SSBP2: variants seen among roughly 807,000 people sequenced by gnomAD.
SSBP2 encodes single stranded DNA binding protein 2.
In SSBP2, 17 loss-of-function variants were observed where a neutral mutation model predicts 61.8. That is an observed-to-expected ratio of 0.28 (90% CI 0.19 to 0.41). SSBP2 has a LOEUF of 0.41. Ranked by LOEUF, SSBP2 falls within the 10% of genes least tolerant of loss-of-function variation. The pLI is 1.00. For synonymous variants in SSBP2, 139 were observed against 141.3 expected (o/e 0.98, Z 0.12); for missense variants, 310 against 458.7 (o/e 0.68, Z 2.96).
At chr5:81,733,569 T>A (rs527274058) in intron 1 of SSBP2, among the ~76,000 whole-genome samples, 1 of 152,232 alleles carries the variant, frequency 6.6e-6, no homozygotes, top group African/African-American at 2.4e-5. Context: ...ATTGGATTAC[T>A]TAAAATCAAA....
intron 1 of SSBP2, among the ~76,000 whole-genome samples, chr5:81,743,827 C>T (rs1262118657): frequency 1.3e-5 from 2 of 152,102 alleles, no homozygotes; most frequent in Non-Finnish European, 2.9e-5. Context: ...GCTGGGAACC[C>T]GAGGCAGCCA....
intron 1 of SSBP2, among the ~76,000 whole-genome samples, chr5:81,716,147 G>A (rs1312791899): frequency 2.1e-4 from 31 of 150,566 alleles, no homozygotes; most frequent in East Asian, 3.9e-4. Context: ...AATAGATAGC[G>A]TCAAAAAAAA....
chr5:81,727,367 T>C (rs543036968), intron 1 of SSBP2, among the ~76,000 whole-genome samples: 49 of 152,242 alleles, frequency 3.2e-4, no homozygotes, highest in Middle Eastern at 3.4e-3. Flanking sequence ...CTGACCAACA[T>C]GGAGAAACCC....
chr5:81,647,977 C>T (rs938370056), intron 2 of SSBP2, among the ~76,000 whole-genome samples: 3 of 152,034 alleles, frequency 2.0e-5, no homozygotes, highest in African/African-American at 7.2e-5. Context: ...ATCACTGTAT[C>T]TAATATCTTA....
At chr5:81,664,903 T>A (rs1197378389) in intron 1 of SSBP2, among the ~76,000 whole-genome samples, 1 of 152,178 alleles carries the variant, frequency 6.6e-6, no homozygotes, top group Non-Finnish European at 1.5e-5. Flanking sequence ...GGTTCTCTGT[T>A]CTGTTCCACT....
chr5:81,566,848 C>G (rs908257023), intron 4 of SSBP2, among the ~76,000 whole-genome samples: 4 of 152,164 alleles, frequency 2.6e-5, no homozygotes, highest in African/African-American at 9.7e-5. Flanking sequence ...AAAGGTGACT[C>G]TTTTTATGTT....
chr5:81,537,333 A>G (rs1770885089), intron 4 of SSBP2, among the ~76,000 whole-genome samples: 1 of 152,164 alleles, frequency 6.6e-6, no homozygotes, highest in South Asian at 2.1e-4. Flanking sequence ...ATGAGACCTG[A>G]GACAATTCTC....
intron 4 of SSBP2, among the ~76,000 whole-genome samples, chr5:81,599,132 T>C (rs1316657757): frequency 2.0e-5 from 3 of 152,170 alleles, no homozygotes; most frequent in African/African-American, 7.2e-5. Context: ...GACTACCTGA[T>C]AAGTGAAACT....
chr5:81,689,090 G>A (rs1281572760), intron 1 of SSBP2, among the ~76,000 whole-genome samples: 1 of 151,904 alleles, frequency 6.6e-6, no homozygotes, highest in Non-Finnish European at 1.5e-5. Context: ...ACATACTGAA[G>A]AATGTATCAG....
chr5:81,568,441 G>T (rs1581045622), intron 4 of SSBP2, among the ~76,000 whole-genome samples: 2 of 152,272 alleles, frequency 1.3e-5, no homozygotes, highest in East Asian at 3.9e-4. Context: ...ACATGTAATT[G>T]TAAGTCCAAT....
intron 1 of SSBP2, among the ~76,000 whole-genome samples, chr5:81,741,576 G>C (rs928509145): frequency 5.3e-5 from 8 of 152,116 alleles, no homozygotes; most frequent in Non-Finnish European, 1.0e-4. Context: ...TTGTTAGAGA[G>C]AGGTATAAAA....
chr5:81,526,665 T>C (rs1769964530), intron 4 of SSBP2, among the ~76,000 whole-genome samples: 1 of 152,050 alleles, frequency 6.6e-6, no homozygotes, highest in Non-Finnish European at 1.5e-5. Context: ...AAATCAACCT[T>C]TTGAATTCAT....
intron 2 of SSBP2, among the ~76,000 whole-genome samples, chr5:81,641,705 G>C (rs1392190419): frequency 1.3e-5 from 2 of 152,156 alleles, no homozygotes; most frequent in Admixed American, 6.5e-5. Flanking sequence ...ATTCACTGTA[G>C]TATTGTTAGA....
chr5:81,535,344 A>G (rs34672205), intron 4 of SSBP2, among the ~76,000 whole-genome samples: 3,254 of 152,240 alleles, frequency 0.021, 61 homozygotes, highest in Non-Finnish European at 0.033. Flanking sequence ...AATATTGTCA[A>G]GATGTCAGTT....
At chr5:81,660,217 T>A (rs547092403) in intron 1 of SSBP2, among the ~76,000 whole-genome samples, 18 of 152,016 alleles carry the variant, frequency 1.2e-4, no homozygotes, top group South Asian at 6.2e-4. Context: ...GAAACTAGCA[T>A]GAGAGTGAAC....
chr5:81,628,272 C>G (rs1747373458), intron 3 of SSBP2, among the ~76,000 whole-genome samples: 1 of 152,106 alleles, frequency 6.6e-6, no homozygotes, highest in South Asian at 2.1e-4. Flanking sequence ...CTTACAAAAC[C>G]ACCAGATTGT....
At chr5:81,448,476 G>C (rs754278652) in intron 11 of SSBP2, among the ~76,000 whole-genome samples, 7 of 152,070 alleles carry the variant, frequency 4.6e-5, no homozygotes, top group Non-Finnish European at 8.8e-5. Context: ...TATTCTCCTG[G>C]AGAACCGCAA....
chr5:81,560,815 G>A (rs1189972074), intron 4 of SSBP2, among the ~76,000 whole-genome samples: 1 of 152,074 alleles, frequency 6.6e-6, no homozygotes, highest in Non-Finnish European at 1.5e-5. Context: ...TTAAGGTATA[G>A]ATTTAATAAC....
At chr5:81,602,042 T>C (rs1434414735) in intron 4 of SSBP2, among the ~76,000 whole-genome samples, 1 of 152,170 alleles carries the variant, frequency 6.6e-6, no homozygotes, top group African/African-American at 2.4e-5. Flanking sequence ...AACCAGTACC[T>C]TGATCAGAGC....
Sources: allele counts gnomAD v4.1 joint callset (sites outside exome capture counted in the v4.1 genomes callset), GRCh38; gene constraint gnomAD v4.1.1; transcripts MANE v1.5; gene names NCBI Gene and HGNC (gene_info 2026-07-23, HGNC 2026-07-21).